Variants in UNC5D observed in about 807,000 individuals in gnomAD.
The protein encoded by UNC5D is unc-5 netrin receptor D.
UNC5D carries 39 observed loss-of-function variants against 105.4 expected under a neutral mutation model. The ratio of observed to expected loss-of-function variants is 0.37; its 90% CI spans 0.29 to 0.48. UNC5D has a LOEUF of 0.48. Ranked by LOEUF, UNC5D falls within the 20% of genes least tolerant of loss-of-function variation. The pLI is 0.98. For missense variants in UNC5D, 991 were observed against 1,202.4 expected, an observed-to-expected ratio of 0.82 and a Z score of 2.60; for synonymous variants, 452 against 450.4, an observed-to-expected ratio of 1.00 and a Z score of -0.04.
chr8:35,328,458 G>C (rs1007695942), intron 1 of UNC5D, among the ~76,000 whole-genome samples: 1 of 152,070 alleles, frequency 6.6e-6, no homozygotes, highest in Admixed American at 6.6e-5. Flanking sequence ...TCACTTCCTG[G>C]AAAGGACTTA....
chr8:35,551,715 G>A (rs1278148623), intron 2 of UNC5D, among the ~76,000 whole-genome samples: 5 of 152,012 alleles, frequency 3.3e-5, no homozygotes, highest in African/African-American at 1.2e-4. Flanking sequence ...CTACCCAGGA[G>A]GCTGAGGCAG....
intron 11 of UNC5D, among the ~76,000 whole-genome samples, chr8:35,739,805 T>C (rs1366681406): frequency 6.6e-6 from 1 of 152,198 alleles, no homozygotes; most frequent in Non-Finnish European, 1.5e-5. Flanking sequence ...CCACTTCATT[T>C]TGTTATAGCC....
chr8:35,424,311 T>G (rs572380659), intron 1 of UNC5D, among the ~76,000 whole-genome samples: 1 of 152,216 alleles, frequency 6.6e-6, no homozygotes, highest in Non-Finnish European at 1.5e-5. Context: ...TAATGATATA[T>G]TTAACATATA....
chr8:35,730,274 A>T (rs897100735), intron 10 of UNC5D, among the ~76,000 whole-genome samples: 4 of 152,192 alleles, frequency 2.6e-5, no homozygotes, highest in Non-Finnish European at 5.9e-5. Flanking sequence ...GACATTTAAG[A>T]TGCAGTGAGA....
chr8:35,269,480 G>A (rs1424265175), intron 1 of UNC5D, among the ~76,000 whole-genome samples: 2 of 152,090 alleles, frequency 1.3e-5, no homozygotes, highest in African/African-American at 4.8e-5. Flanking sequence ...AGCTCCCACG[G>A]TCACCATTTC....
intron 4 of UNC5D, among the ~76,000 whole-genome samples, chr8:35,641,751 ATAGGAGTG>A (rs1190393263): frequency 2.6e-5 from 4 of 152,148 alleles, no homozygotes; most frequent in African/African-American, 9.7e-5. Context: ...GCTTGGGAAA[ATAGGAGTG>A]TAGGACATCT....
At chr8:35,456,738 A>G (rs1808523065) in intron 1 of UNC5D, among the ~76,000 whole-genome samples, 2 of 152,206 alleles carry the variant, frequency 1.3e-5, no homozygotes, top group Admixed American at 1.3e-4. Context: ...TTAGAAGTCA[A>G]GAGTTGTTAA....
At chr8:35,470,335 A>G (rs781221445) in intron 1 of UNC5D, among the ~76,000 whole-genome samples, 4 of 152,110 alleles carry the variant, frequency 2.6e-5, no homozygotes, top group Non-Finnish European at 5.9e-5. Context: ...TAACATAACA[A>G]ACATTTATTG....
At chr8:35,300,973 G>A (rs1486199840) in intron 1 of UNC5D, among the ~76,000 whole-genome samples, 3 of 152,202 alleles carry the variant, frequency 2.0e-5, no homozygotes, top group African/African-American at 7.2e-5. Flanking sequence ...GTGTGTGTAT[G>A]TTTATGTGTA....
intron 1 of UNC5D, among the ~76,000 whole-genome samples, chr8:35,396,960 G>A (rs922030694): frequency 6.6e-6 from 1 of 151,982 alleles, no homozygotes; most frequent in Non-Finnish European, 1.5e-5. Context: ...TGTCACCCAG[G>A]CTATGGCACG....
intron 1 of UNC5D, among the ~76,000 whole-genome samples, chr8:35,285,588 A>G (rs1806533386): frequency 6.6e-6 from 1 of 152,230 alleles, no homozygotes; most frequent in South Asian, 2.1e-4. Flanking sequence ...TTGATCAATT[A>G]TATTTATTCA....
intron 1 of UNC5D, among the ~76,000 whole-genome samples, chr8:35,321,831 T>C (rs1445493227): frequency 6.6e-6 from 1 of 152,158 alleles, no homozygotes; most frequent in African/African-American, 2.4e-5. Context: ...GGCCCCTGAC[T>C]TTCTTTCTCT....
At chr8:35,774,511 C>G in intron 16 of UNC5D, 34 bp downstream of exon 16, 5 of 1,609,286 alleles carry the variant, frequency 3.1e-6, no homozygotes, top group Non-Finnish European at 4.2e-6. Flanking sequence ...GACGATGTTA[C>G]TAAGAGAACT....
At chr8:35,663,850 A>T (rs1824262320) in intron 4 of UNC5D, among the ~76,000 whole-genome samples, 1 of 152,198 alleles carries the variant, frequency 6.6e-6, no homozygotes, top group Non-Finnish European at 1.5e-5. Flanking sequence ...GTTGCAGATA[A>T]GAGGTGGTTG....
At chr8:35,737,814 T>TA (rs1348693402) in intron 11 of UNC5D, among the ~76,000 whole-genome samples, 2 of 151,928 alleles carry the variant, frequency 1.3e-5, no homozygotes, top group African/African-American at 2.4e-5. Flanking sequence ...ACATAAGAAA[T>TA]AAAAAATCTC....
At chr8:35,261,023 T>C (rs934675624) in intron 1 of UNC5D, among the ~76,000 whole-genome samples, 12 of 152,172 alleles carry the variant, frequency 7.9e-5, no homozygotes, top group South Asian at 2.1e-4. Context: ...TTCTGTCTAT[T>C]TTTTTCTTAA....
intron 1 of UNC5D, among the ~76,000 whole-genome samples, chr8:35,543,711 A>G (rs1478999827): frequency 6.6e-6 from 1 of 152,166 alleles, no homozygotes; most frequent in Non-Finnish European, 1.5e-5. Flanking sequence ...TATAGTTGGT[A>G]GAACACTAGT....
intron 1 of UNC5D, among the ~76,000 whole-genome samples, chr8:35,271,357 ACACACGTGCACGTGTGTATGTATATG>A (rs1805298775): frequency 2.4e-5 from 3 of 125,052 alleles, no homozygotes; most frequent in Non-Finnish European, 5.0e-5. Context: ...GTATATGCAT[ACACACGTGCACGTGTGTATGTATATG>A]TACACACATG....
chr8:35,724,833 C>A (rs923777449), intron 9 of UNC5D, among the ~76,000 whole-genome samples: 6 of 152,102 alleles, frequency 3.9e-5, no homozygotes, highest in African/African-American at 1.4e-4. Flanking sequence ...CCTGGGAAGA[C>A]CATAAACAGG....
Sources: gnomAD v4.1 joint callset for allele counts (sites outside exome capture counted in the v4.1 genomes callset) on GRCh38, gnomAD v4.1.1 for gene constraint, MANE v1.5 for transcripts, NCBI Gene and HGNC (gene_info 2026-07-23, HGNC 2026-07-21) for gene names.